NCKAP5: variants seen among roughly 807,000 people sequenced by gnomAD.
NCKAP5 encodes the protein NCK associated protein 5.
A neutral mutation model predicts 167.0 loss-of-function variants in NCKAP5; 92 were observed. That is an observed-to-expected ratio of 0.55 (90% confidence interval 0.47 to 0.66). NCKAP5 has a LOEUF of 0.66. Ranked by LOEUF, NCKAP5 falls within the 30% of genes least tolerant of loss-of-function variation. The probability of loss-of-function intolerance (pLI) is 0.00; values close to 1 mark genes in which losing one functional copy is unlikely to be tolerated. For missense variants in NCKAP5, 2,378 were observed against 2,315.0 expected (o/e 1.03, Z -0.56); for synonymous variants, 891 against 877.4 (o/e 1.02, Z -0.27).
chr2:133,199,095 T>A (rs2085562075), intron 5 of NCKAP5, among the ~76,000 whole-genome samples: 1 of 151,944 alleles, frequency 6.6e-6, no homozygotes, highest in Admixed American at 6.6e-5. Context: ...ACATCATAGA[T>A]AAAAATTAAG....
At chr2:132,936,831 T>C (rs1339691669) in intron 8 of NCKAP5, among the ~76,000 whole-genome samples, 1 of 152,244 alleles carries the variant, frequency 6.6e-6, no homozygotes, top group Non-Finnish European at 1.5e-5. Flanking sequence ...TTTATAATTT[T>C]ACAAGGACAT....
Position 132,785,349 on chromosome 2 carries a change from G to A in NCKAP5, c.1462C>T (p.Leu488Phe). 1 of 1,613,886 alleles carries A rather than the reference G, an allele frequency of 6.2e-7. No individual in the cohort carries two copies. Among genetic ancestry groups the A allele is most frequent in the Non-Finnish European group, 8.5e-7 (1 of 1,179,826 alleles). Residue 488 changes from leucine to phenylalanine, a missense_variant, in exon 14 of 20, where the codon CTC (leucine) becomes TTC (phenylalanine). Leu to Phe is a conservative substitution (Grantham distance 22). Transcript: ENST00000409261. The part of the protein sequence containing the change: ...ADDDPSTLAL[L>F]QAVPNQSCRP... ...CAGCTCTGGTTTGGAACTGCTTGGA[G>A]CAATGCTAAGGTGGAAGGGTCATCG... is the stretch of plus-strand genomic sequence containing the variant.
chr2:132,916,867 T>C (rs1369895634), intron 8 of NCKAP5, among the ~76,000 whole-genome samples: 2 of 150,756 alleles, frequency 1.3e-5, no homozygotes, highest in East Asian at 3.9e-4. Context: ...AGTTTGTAGC[T>C]GTGATGTAGG....
intron 6 of NCKAP5, among the ~76,000 whole-genome samples, chr2:133,064,742 G>C (rs1478928148): frequency 6.6e-6 from 1 of 152,200 alleles, no homozygotes; most frequent in Non-Finnish European, 1.5e-5. Flanking sequence ...GGCAGTGACT[G>C]TGATTCTAAT....
chr2:133,345,001 C>A (rs1683866514), intron 3 of NCKAP5, among the ~76,000 whole-genome samples: 1 of 152,068 alleles, frequency 6.6e-6, no homozygotes, highest in Non-Finnish European at 1.5e-5. Context: ...GCCCTCAGTG[C>A]GTCATTTGAG....
the NCKAP5 span, among the ~76,000 whole-genome samples, chr2:133,646,132 T>C: frequency 2.0e-5 from 3 of 152,042 alleles, no homozygotes; most frequent in African/African-American, 4.8e-5. Context: ...TGTAAACAAA[T>C]CTTTTTATTC....
At chr2:133,327,220 C>T (rs756381729) in intron 3 of NCKAP5, among the ~76,000 whole-genome samples, 35 of 152,206 alleles carry the variant, frequency 2.3e-4, no homozygotes, top group Admixed American at 3.9e-4. Context: ...CTGCTCTTCT[C>T]CTGCCTGAAT....
chr2:132,674,272 A>G (rs1684137639), intron 19 of NCKAP5, among the ~76,000 whole-genome samples: 1 of 152,234 alleles, frequency 6.6e-6, no homozygotes, highest in South Asian at 2.1e-4. Flanking sequence ...AAGACACTTA[A>G]CAGATTCTAT....
intron 3 of NCKAP5, among the ~76,000 whole-genome samples, chr2:133,348,543 C>A (rs930235501): frequency 1.3e-5 from 2 of 152,106 alleles, no homozygotes; most frequent in African/African-American, 4.8e-5. Context: ...GTTTTCACAT[C>A]CCCAAAGGCC....
At chr2:133,662,536 C>G in the NCKAP5 span, among the ~76,000 whole-genome samples, 1 of 150,238 alleles carries the variant, frequency 6.7e-6, no homozygotes, top group African/African-American at 2.4e-5. Context: ...GTAGATACAA[C>G]TATGGCATTT....
the NCKAP5 span, among the ~76,000 whole-genome samples, chr2:133,599,745 C>T: frequency 2.6e-5 from 4 of 152,206 alleles, no homozygotes; most frequent in Admixed American, 2.6e-4. Context: ...TCTTGCCCTC[C>T]TGGGGCCCTG....
intron 3 of NCKAP5, among the ~76,000 whole-genome samples, chr2:133,501,738 C>A (rs1450364613): frequency 6.6e-6 from 1 of 152,196 alleles, no homozygotes; most frequent in Non-Finnish European, 1.5e-5. Flanking sequence ...TTAATATTAA[C>A]AAGAGCTAAG....
intron 9 of NCKAP5, among the ~76,000 whole-genome samples, chr2:132,874,600 G>C (rs999036367): frequency 6.6e-6 from 1 of 152,094 alleles, no homozygotes; most frequent in African/African-American, 2.4e-5. Context: ...ACATCCAAAG[G>C]CCTAGTTTTC....
Position 133,033,555 on chromosome 2 carries a change from G to A in NCKAP5, c.342-39316C>T, listed in dbSNP as rs141742784. On this transcript the variant is annotated intron_variant, in intron 6 of 19. Coordinates refer to ENST00000409261, the MANE Select transcript of NCKAP5 (RefSeq NM_207363.3). ...CAAACTTGGAGAAACAGAGAGATGC[G>A]ATCTTTCAGACCAAGAATTCAAAAT... 7.6e-4 allele frequency among the ~76,000 whole-genome samples: 116 copies of A among 152,216 alleles called. No individual in the cohort carries two copies. The East Asian group carries it at 0.019, about 24-fold the overall frequency.
At chr2:133,083,609 G>A (rs938164812) in intron 6 of NCKAP5, among the ~76,000 whole-genome samples, 1 of 152,168 alleles carries the variant, frequency 6.6e-6, no homozygotes, top group Non-Finnish European at 1.5e-5. Flanking sequence ...TTACCAGACA[G>A]GAAGTTATCA....
chr2:133,142,070 T>A (rs904112388), intron 5 of NCKAP5, among the ~76,000 whole-genome samples: 17 of 152,158 alleles, frequency 1.1e-4, no homozygotes, highest in Admixed American at 1.1e-3. Flanking sequence ...GAGGTAAGGT[T>A]AAACAGAAAT....
chr2:133,138,416 T>C (rs941342228), intron 5 of NCKAP5, among the ~76,000 whole-genome samples: 2 of 152,162 alleles, frequency 1.3e-5, no homozygotes, highest in African/African-American at 2.4e-5. Flanking sequence ...TAACACTGTA[T>C]TTACAACAAA....
At chr2:132,926,181 A>C in intron 8 of NCKAP5, 1 of 395,792 alleles carries the variant, frequency 2.5e-6, no homozygotes, top group Non-Finnish European at 5.1e-6. Context: ...TCTTAGGATA[A>C]TGGCCTCCAG....
intron 8 of NCKAP5, among the ~76,000 whole-genome samples, chr2:132,924,869 C>T (rs531482769): frequency 1.8e-4 from 28 of 151,824 alleles, no homozygotes; most frequent in African/African-American, 6.5e-4. Context: ...GGAATATTTT[C>T]ATTATAGATT....
Sources: allele counts gnomAD v4.1 joint callset (sites outside exome capture counted in the v4.1 genomes callset), GRCh38; gene constraint gnomAD v4.1.1; transcripts MANE v1.5; gene names NCBI Gene and HGNC (gene_info 2026-07-23, HGNC 2026-07-21).